The following EPB41L3 variants were observed in gnomAD, a reference collection of about 807,000 sequenced individuals.
The protein encoded by EPB41L3 is erythrocyte membrane protein band 4.1 like 3, also known as band 4.1-like protein 3.
A neutral mutation model predicts 127.1 loss-of-function variants in EPB41L3; 57 were observed. The observed-to-expected ratio is 0.45, with a 90% CI of 0.36 to 0.56. The LOEUF is 0.56. Ranked by LOEUF, EPB41L3 falls within the 20% of genes least tolerant of loss-of-function variation. The probability of loss-of-function intolerance (pLI) is 0.00; values close to 1 mark genes in which losing one functional copy is unlikely to be tolerated. For synonymous variants in EPB41L3, 572 were observed against 549.5 expected (o/e 1.04, Z -0.57); for missense variants, 1,273 against 1,372.2 (o/e 0.93, Z 1.14).
chr18:5,566,565 C>G (rs921111429), intron 3 of EPB41L3, among the ~76,000 whole-genome samples: 13 of 151,974 alleles, frequency 8.6e-5, no homozygotes, highest in Non-Finnish European at 1.6e-4. Context: ...CAATGCCATC[C>G]CCATCAAGCT....
At chr18:5,620,065 C>A (rs187165249) in intron 1 of EPB41L3, among the ~76,000 whole-genome samples, 3 of 151,648 alleles carry the variant, frequency 2.0e-5, no homozygotes, top group African/African-American at 7.3e-5. Flanking sequence ...TTTTTCATGT[C>A]GAAATTGTGT....
chr18:5,525,777 T>A (rs892827536), intron 1 of EPB41L3, among the ~76,000 whole-genome samples: 2 of 152,340 alleles, frequency 1.3e-5, no homozygotes, highest in East Asian at 3.9e-4. Flanking sequence ...TCTCTTTCCA[T>A]TGTTAGTGAA....
chr18:5,433,418 T>C (rs747169644), intron 8 of EPB41L3, 51 bp downstream of exon 8: 1 of 1,306,946 alleles, frequency 7.7e-7, no homozygotes, highest in African/African-American at 1.5e-5. Context: ...AATAACAACA[T>C]CAAGTTACAT....
At chr18:5,522,870 C>T (rs2093052536) in intron 1 of EPB41L3, among the ~76,000 whole-genome samples, 1 of 152,058 alleles carries the variant, frequency 6.6e-6, no homozygotes, top group South Asian at 2.1e-4. Flanking sequence ...ATGATAGGTG[C>T]TCAAGAAATA....
intron 3 of EPB41L3, among the ~76,000 whole-genome samples, chr18:5,558,624 G>A (rs969193529): frequency 1.3e-5 from 2 of 152,204 alleles, no homozygotes; most frequent in African/African-American, 4.8e-5. Context: ...CCAGGATCTG[G>A]AGGTTGCTGG....
intron 3 of EPB41L3, among the ~76,000 whole-genome samples, chr18:5,475,749 C>T (rs184955419): frequency 3.3e-5 from 5 of 152,316 alleles, no homozygotes; most frequent in African/African-American, 9.6e-5. Context: ...TTTGCTTCAG[C>T]GTCCCACACT....
At chr18:5,396,391 C>G (rs955030032) in intron 18 of EPB41L3, 59 bp from the exon 19 acceptor site, 9 of 1,599,032 alleles carry the variant, frequency 5.6e-6, no homozygotes, top group Non-Finnish European at 7.7e-6. Context: ...ACATTGTTTT[C>G]TTCCTTTTCC....
chr18:5,399,109 C>G (rs1019312897), intron 16 of EPB41L3: 4 of 399,028 alleles, frequency 1.0e-5, no homozygotes, highest in African/African-American at 8.2e-5. Context: ...TTCTCACCCT[C>G]TTTAGCTTTC....
intron 3 of EPB41L3, among the ~76,000 whole-genome samples, chr18:5,477,602 C>T (rs150360646): frequency 6.6e-6 from 1 of 152,334 alleles, no homozygotes; most frequent in Non-Finnish European, 1.5e-5. Context: ...AGTCAGCTGT[C>T]TCTGCAGTTC....
chr18:5,412,336 G>C (rs2080577798), intron 13 of EPB41L3, among the ~76,000 whole-genome samples: 1 of 151,954 alleles, frequency 6.6e-6, no homozygotes, highest in Non-Finnish European at 1.5e-5. Flanking sequence ...TGGGACTAGG[G>C]AGGACTCCCT....
intron 1 of EPB41L3, among the ~76,000 whole-genome samples, chr18:5,529,931 TG>T (rs2093357617): frequency 2.5e-5 from 1 of 39,656 alleles, no homozygotes; most frequent in Non-Finnish European, 5.7e-5. Context: ...CTCATATATG[TG>T]TGTGTGTGTG....
At chr18:5,403,492 C>T (rs1035771490) in intron 16 of EPB41L3, among the ~76,000 whole-genome samples, 1 of 150,678 alleles carries the variant, frequency 6.6e-6, no homozygotes, top group Non-Finnish European at 1.5e-5. Flanking sequence ...AACAATTTAA[C>T]TACTATAGAT....
intron 1 of EPB41L3, among the ~76,000 whole-genome samples, chr18:5,497,190 A>T (rs1475298233): frequency 6.6e-6 from 1 of 152,202 alleles, no homozygotes; most frequent in African/African-American, 2.4e-5. Context: ...AAGATAAGGT[A>T]GATATGAGGA....
chr18:5,584,590 A>C (rs560427766), intron 3 of EPB41L3, among the ~76,000 whole-genome samples: 79 of 152,328 alleles, frequency 5.2e-4, no homozygotes, highest in African/African-American at 1.9e-3. Context: ...AATTATCCCC[A>C]AATTCTTTGT....
chr18:5,538,089 A>G (rs2093622345), intron 1 of EPB41L3, among the ~76,000 whole-genome samples: 1 of 152,244 alleles, frequency 6.6e-6, no homozygotes, highest in South Asian at 2.1e-4. Flanking sequence ...TAGAAACTGG[A>G]ATTTTCATTT....
intron 3 of EPB41L3, among the ~76,000 whole-genome samples, chr18:5,457,453 T>C (rs1019140633): frequency 9.2e-5 from 14 of 151,926 alleles, no homozygotes; most frequent in African/African-American, 2.9e-4. Flanking sequence ...TGATCTCGGA[T>C]GGCACAGTAG....
At chr18:5,560,710 C>A (rs1184998698) in intron 3 of EPB41L3, among the ~76,000 whole-genome samples, 1 of 151,908 alleles carries the variant, frequency 6.6e-6, no homozygotes, top group Non-Finnish European at 1.5e-5. Flanking sequence ...AATTAAATGG[C>A]AAGTATTGTT....
chr18:5,457,775 C>T (rs1268627642), intron 3 of EPB41L3, among the ~76,000 whole-genome samples: 1 of 152,158 alleles, frequency 6.6e-6, no homozygotes, highest in Admixed American at 6.5e-5. Context: ...ACACACACCT[C>T]CACGCCCCGA....
At chr18:5,500,458 GTC>G (rs1407226100) in intron 1 of EPB41L3, among the ~76,000 whole-genome samples, 1 of 152,190 alleles carries the variant, frequency 6.6e-6, no homozygotes, top group Admixed American at 6.5e-5. Flanking sequence ...TCTGAAATGG[GTC>G]TCTCTTTCAC....
Sources: gnomAD v4.1 joint callset for allele counts (sites outside exome capture counted in the v4.1 genomes callset) on GRCh38, gnomAD v4.1.1 for gene constraint, MANE v1.5 for transcripts, NCBI Gene and HGNC (gene_info 2026-07-23, HGNC 2026-07-21) for gene names.